DCAF1: variants seen among roughly 807,000 people sequenced by gnomAD.
DCAF1 encodes the protein DDB1 and CUL4 associated factor 1, also known as DDB1- and CUL4-associated factor 1.
Under a neutral mutation model 128.0 loss-of-function variants are expected in DCAF1, and 15 were observed. The ratio of observed to expected loss-of-function variants is 0.12; its 90% CI spans 0.08 to 0.18. The LOEUF is 0.18. DCAF1 is among the 10% of genes least tolerant of loss of function. The pLI, the probability that DCAF1 is intolerant of heterozygous loss-of-function variation, is 1.00. For missense variants in DCAF1, 988 were observed against 1,649.5 expected, an observed-to-expected ratio of 0.60 and a Z score of 6.95; for synonymous variants, 610 against 603.0, an observed-to-expected ratio of 1.01 and a Z score of -0.17.
chr3:51,418,019 C>T, intron 17 of DCAF1, 97 bp downstream of exon 17: 1 of 1,459,612 alleles, frequency 6.9e-7, no homozygotes, highest in South Asian at 1.4e-5. Context: ...CGACAGCATC[C>T]TCTTTCCCCA....
At chr3:51,428,978 G>T (rs1188680574) in intron 12 of DCAF1, among the ~76,000 whole-genome samples, 2 of 152,084 alleles carry the variant, frequency 1.3e-5, no homozygotes, top group African/African-American at 4.8e-5. Context: ...CAGCCTGGGT[G>T]ACAGAGGGAG....
In DCAF1 at chr3:51,398,536, T is replaced by C; in HGVS notation, c.*233A>G. ...ATCCTAGGAAATGGTGGGGGGTGGA[T>C]GTGGGGGGTGCAGAGTAGGGCCTAG... On this transcript the variant is annotated 3_prime_UTR_variant, in exon 25 of 25. Transcript: ENST00000684031. 1 of 464,654 alleles carries C rather than the reference T, an allele frequency of 2.2e-6. No individual in the cohort carries two copies. Among genetic ancestry groups the C allele is most frequent in the Non-Finnish European group, 3.8e-6 (1 of 263,590 alleles). The allele number at this position is 464,654 out of a possible 1,614,324, so 28.8% of individuals were successfully genotyped here.
At chr3:51,467,105 G>A (rs781784939) in intron 4 of DCAF1, among the ~76,000 whole-genome samples, 6 of 152,024 alleles carry the variant, frequency 3.9e-5, no homozygotes, top group Non-Finnish European at 7.4e-5. Flanking sequence ...AGGCTGAGGC[G>A]GGCAGATCAC....
At chr3:51,474,360 C>T (rs1253200359) in intron 3 of DCAF1, among the ~76,000 whole-genome samples, 5 of 152,078 alleles carry the variant, frequency 3.3e-5, no homozygotes, top group African/African-American at 4.8e-5. Flanking sequence ...GCGGAGGTCG[C>T]GGTGAGCCGA....
intron 6 of DCAF1, among the ~76,000 whole-genome samples, chr3:51,457,952 C>G (rs576583495): frequency 1.3e-5 from 2 of 152,286 alleles, no homozygotes; most frequent in African/African-American, 4.8e-5. Flanking sequence ...CCAGCCACTG[C>G]AAAAACATGC....
chr3:51,470,030 T>A (rs187351526), intron 4 of DCAF1, among the ~76,000 whole-genome samples: 400 of 151,120 alleles, frequency 2.6e-3, no homozygotes, highest in South Asian at 0.011. Context: ...CAAAAAAAAA[T>A]AATAATAATA....
chr3:51,469,447 C>T (rs944428585), intron 4 of DCAF1, among the ~76,000 whole-genome samples: 6 of 151,664 alleles, frequency 4.0e-5, no homozygotes, highest in African/African-American at 1.5e-4. Context: ...TCAGGCTGGT[C>T]GCAAACTCCC....
intron 2 of DCAF1, among the ~76,000 whole-genome samples, chr3:51,484,103 C>T (rs72945738): frequency 0.021 from 3,251 of 152,172 alleles, 123 homozygotes; most frequent in African/African-American, 0.073. Context: ...GAAGCTGGAT[C>T]AAAACAGTGA....
chr3:51,437,598 G>C (rs563057340), intron 9 of DCAF1, among the ~76,000 whole-genome samples: 180 of 152,264 alleles, frequency 1.2e-3, no homozygotes, highest in Non-Finnish European at 2.0e-3. Flanking sequence ...TGGAAAGCTT[G>C]AGCCCAGGAG....
At chr3:51,430,881 C>T (rs1462852688) in intron 10 of DCAF1, among the ~76,000 whole-genome samples, 1 of 152,144 alleles carries the variant, frequency 6.6e-6, no homozygotes, top group Non-Finnish European at 1.5e-5. Flanking sequence ...AGAAAAGACA[C>T]CAAATAAGAA....
chr3:51,494,524 T>A (rs115544102), intron 2 of DCAF1, among the ~76,000 whole-genome samples: 3 of 152,256 alleles, frequency 2.0e-5, no homozygotes, highest in Non-Finnish European at 2.9e-5. Context: ...AAATGGGTAG[T>A]CGTTAATTTT....
In DCAF1 at chr3:51,426,502, G is replaced by A. The variant is rs557001881; in HGVS notation, c.1847+870C>T. The stretch of plus-strand genomic sequence containing the variant: ...TGAAATTACAAGCATGAGCCACTGT[G>A]CCTGGCCCACATTTTTAATGCATAA... On this transcript the variant is annotated intron_variant, in intron 13 of 24. Coordinates refer to ENST00000684031, the MANE Select transcript of DCAF1 (RefSeq NM_001387579.1). Among the ~76,000 whole-genome samples the A allele has an allele frequency of 3.9e-5, 6 of 152,234 alleles. No homozygotes were observed. The East Asian group carries it at 7.7e-4, about 20-fold the overall frequency.
intron 2 of DCAF1, among the ~76,000 whole-genome samples, chr3:51,485,060 C>T (rs546052606): frequency 5.9e-5 from 9 of 152,086 alleles, no homozygotes; most frequent in Non-Finnish European, 7.4e-5. Flanking sequence ...GGATTACAGG[C>T]ATGCACCACC....
chr3:51,451,945 T>C (rs1702398257), intron 6 of DCAF1, among the ~76,000 whole-genome samples: 1 of 152,134 alleles, frequency 6.6e-6, no homozygotes, highest in Non-Finnish European at 1.5e-5. Context: ...TTTTAAAACT[T>C]CTTTTTCATA....
chr3:51,448,277 C>T (rs1398261993), intron 6 of DCAF1, among the ~76,000 whole-genome samples: 1 of 152,176 alleles, frequency 6.6e-6, no homozygotes, highest in Non-Finnish European at 1.5e-5. Context: ...TAATTCTAGT[C>T]CATGTTTCAA....
At chr3:51,505,262 T>G in the DCAF1 span, among the ~76,000 whole-genome samples, 42 of 151,836 alleles carry the variant, frequency 2.8e-4, no homozygotes, top group Non-Finnish European at 5.4e-4. Flanking sequence ...AGATTCTGTC[T>G]CAAAAAATAA....
At chr3:51,415,391 A>C (rs1477091839) in intron 18 of DCAF1, among the ~76,000 whole-genome samples, 1 of 152,122 alleles carries the variant, frequency 6.6e-6, no homozygotes, top group Non-Finnish European at 1.5e-5. Context: ...GCTACTCAGG[A>C]GGCTGAGGTA....
intron 2 of DCAF1, among the ~76,000 whole-genome samples, chr3:51,496,185 G>A (rs1222309647): frequency 1.3e-5 from 2 of 151,948 alleles, no homozygotes; most frequent in African/African-American, 2.4e-5. Context: ...CCAGCACCTT[G>A]GGAGGCCGAG....
At chr3:51,488,825 C>T (rs368531430) in intron 2 of DCAF1, among the ~76,000 whole-genome samples, 7 of 151,684 alleles carry the variant, frequency 4.6e-5, no homozygotes, top group African/African-American at 1.7e-4. Flanking sequence ...ATTATCCGGG[C>T]GTGGTGGTGT....
Sources: allele counts gnomAD v4.1 joint callset (sites outside exome capture counted in the v4.1 genomes callset), GRCh38; gene constraint gnomAD v4.1.1; transcripts MANE v1.5; gene names NCBI Gene and HGNC (gene_info 2026-07-23, HGNC 2026-07-21).